ZNF7: variants seen among roughly 807,000 people sequenced by gnomAD.
ZNF7 encodes the protein zinc finger protein 7, also known as C2-H2 type zinc finger protein.
A neutral mutation model predicts 12.0 loss-of-function variants in ZNF7; 10 were observed. The ratio of observed to expected loss-of-function variants is 0.83; its 90% confidence interval spans 0.51 to 1.42. The LOEUF (loss-of-function observed/expected upper bound fraction) is 1.42. ZNF7 is among the 40% of genes most tolerant of loss of function. The pLI is 0.00. For synonymous variants in ZNF7, 334 were observed against 295.0 expected (o/e 1.13, Z -1.35); for missense variants, 854 against 837.2 (o/e 1.02, Z -0.25).
In ZNF7 at chr8:144,842,997, A is replaced by G. The variant is rs754477142; in HGVS notation, c.1890A>G (p.Ile630Met). ...TFVSRKKVNT[I>M]KKLHQCEDCE... ...TGAGCCGTAAAAAGGTTAATACTATAAAGAAACTGCATCAGTGTGAAGACT... is the reference window on the plus strand; with the variant it reads ...TGAGCCGTAAAAAGGTTAATACTATGAAGAAACTGCATCAGTGTGAAGACT... Residue 630 changes from isoleucine to methionine, a missense_variant, in exon 5 of 5, where the codon ATA becomes ATG. By Grantham distance (10) the Ile-to-Met change is conservative (BLOSUM62 1). Coordinates refer to ENST00000532777, the MANE Select transcript of ZNF7 (RefSeq NM_003416.4). 1.6e-5 allele frequency: 26 copies of G among 1,614,092 alleles called. No individual in the cohort carries two copies. Among genetic ancestry groups the G allele is most frequent in the Non-Finnish European group, 2.0e-5 (24 of 1,180,054 alleles).
downstream of ZNF7, among the ~76,000 whole-genome samples, chr8:144,844,359 C>G (rs984596412): frequency 2.6e-4 from 40 of 152,232 alleles, no homozygotes; most frequent in South Asian, 1.9e-3. Flanking sequence ...GCCTAGTTGC[C>G]CCACTTTTTT....
chr8:144,838,219 C>T (rs1046749715), intron 4 of ZNF7: 26 of 691,566 alleles, frequency 3.8e-5, no homozygotes, highest in Non-Finnish European at 5.3e-5. Context: ...GTTCATGTGG[C>T]CATCTCCTTA....
At chr8:144,845,450 G>C (rs79538429), downstream of ZNF7, among the ~76,000 whole-genome samples, 1 of 152,078 alleles carries the variant, frequency 6.6e-6, no homozygotes, top group African/African-American at 2.4e-5. Context: ...TGGGGTTCTT[G>C]GCACATGCAG....
At chr8:144,836,696 G>T in intron 3 of ZNF7, 1 of 152,550 alleles carries the variant, frequency 6.6e-6, no homozygotes. Flanking sequence ...CCTTCCAGTT[G>T]GGGGAACCCT....
At chr8:144,839,552 A>G (rs977020788) in intron 4 of ZNF7, among the ~76,000 whole-genome samples, 1 of 152,268 alleles carries the variant, frequency 6.6e-6, no homozygotes, top group African/African-American at 2.4e-5. Flanking sequence ...GTGGGTTTAT[A>G]TGTAGCAGGT....
downstream of ZNF7, chr8:144,846,535 T>G: frequency 4.8e-6 from 1 of 207,414 alleles, no homozygotes; most frequent in Non-Finnish European, 9.9e-6. Context: ...AATGACTTCA[T>G]GCCCTCCAGC....
chr8:144,836,385 C>T (rs1213184647), intron 3 of ZNF7: 1 of 152,242 alleles, frequency 6.6e-6, no homozygotes, highest in African/African-American at 2.4e-5. Context: ...CCTATAAATT[C>T]TGACTCATAA....
At chr8:144,829,688 C>T in intron 3 of ZNF7, 84 bp downstream of exon 3, 2 of 1,508,350 alleles carry the variant, frequency 1.3e-6, no homozygotes, top group Non-Finnish European at 1.8e-6. Flanking sequence ...CTGGGGTATG[C>T]AGGCCAAACG....
chr8:144,833,301 ATC>A (rs1182549974), intron 3 of ZNF7, among the ~76,000 whole-genome samples: 1 of 149,604 alleles, frequency 6.7e-6, no homozygotes, highest in African/African-American at 2.5e-5. Flanking sequence ...TCTTCCCTGA[ATC>A]TCTCTTGTGG....
At chr8:144,833,451 C>T (rs761996950) in intron 3 of ZNF7, among the ~76,000 whole-genome samples, 1 of 152,082 alleles carries the variant, frequency 6.6e-6, no homozygotes, top group African/African-American at 2.4e-5. Flanking sequence ...TCACTGCAAC[C>T]TCTGCCTCCC....
chr8:144,832,843 G>A (rs573142549), intron 3 of ZNF7, among the ~76,000 whole-genome samples: 1 of 152,166 alleles, frequency 6.6e-6, no homozygotes, highest in African/African-American at 2.4e-5. Context: ...TTGGGGTTAC[G>A]TAAAAATCCC....
downstream of ZNF7, among the ~76,000 whole-genome samples, chr8:144,844,261 A>G (rs1830352133): frequency 6.6e-6 from 1 of 152,162 alleles, no homozygotes; most frequent in African/African-American, 2.4e-5. Flanking sequence ...ACTCAAGCAA[A>G]TGCAAGTACC....
Position 144,841,916 on chromosome 8 carries a change from G to T in ZNF7, c.809G>T (p.Arg270Ile), listed in dbSNP as rs1829970699. The T allele has an allele frequency of 2.5e-6, 4 of 1,614,116 alleles. No individual in the cohort carries two copies. The highest frequency in any genetic ancestry group is 3.4e-6 in the Non-Finnish European group (4 of 1,180,026). Residue 270 changes from arginine to isoleucine, a missense_variant, in exon 5 of 5, where the codon AGA becomes ATA. Arg to Ile is a moderately conservative substitution (Grantham distance 97). Coordinates refer to ENST00000532777, the MANE Select transcript of ZNF7 (RefSeq NM_003416.4). The part of the protein sequence containing the change: ...RLCSQLNQHQ[R>I]IHTGEKPFKC... ...TGCTCGCAGCTTAATCAGCATCAGA[G>T]AATCCACACGGGAGAGAAACCCTTT...
intron 4 of ZNF7, chr8:144,841,036 T>C: frequency 3.6e-6 from 1 of 276,222 alleles, no homozygotes; most frequent in Non-Finnish European, 6.8e-6. Flanking sequence ...ACCCTTCTGG[T>C]CTTGCTTTGT....
rs377273478 is a variant in ZNF7 at position 144,835,992 on chromosome 8, G to A, written c.131-1399G>A. The A allele has an allele frequency of 2.0e-5, 3 of 152,286 alleles. No individual in the cohort carries two copies. The East Asian group carries it at 5.8e-4, about 29-fold the overall frequency. The allele number at this position is 152,286 out of a possible 1,614,324, so 9.4% of individuals were successfully genotyped here. On this transcript the variant is annotated intron_variant, in intron 3 of 4. Coordinates refer to ENST00000532777, the MANE Select transcript of ZNF7 (RefSeq NM_003416.4). The stretch of plus-strand genomic sequence containing the variant: ...CACGCCTGGCCATTCTCAACTTCTT[G>A]AACTTACTATTTACCTCATTTGTGT...
rs750634190 is a variant in ZNF7 at position 144,839,711 on chromosome 8, A to G, written c.248-1644A>G. Reference sequence around the variant, plus strand: ...ATAAAACATGCAGCAGCACAAAACCAGAATACATGAAGCAAGGCAGAAATG... The same window carrying G: ...ATAAAACATGCAGCAGCACAAAACCGGAATACATGAAGCAAGGCAGAAATG... On this transcript the variant is annotated intron_variant, in intron 4 of 4. Coordinates refer to ENST00000532777, the MANE Select transcript of ZNF7 (RefSeq NM_003416.4). 1.2e-3 allele frequency among the ~76,000 whole-genome samples: 177 copies of G among 152,254 alleles called. 3 individuals are homozygous for G. The highest frequency in any genetic ancestry group is 7.8e-4 in the Admixed American group (12 of 15,288).
intron 3 of ZNF7, 197 bp downstream of exon 3, chr8:144,829,801 G>A (rs1452664882): frequency 1.8e-6 from 1 of 563,238 alleles, no homozygotes; most frequent in East Asian, 3.2e-5. Flanking sequence ...CCAGGGAGTG[G>A]GTGGGATTCT....
rs1829914802 is a variant in ZNF7, at chr8:144,841,577, C to T, written c.470C>T (p.Thr157Ile). The change falls in exon 5 of 5, where the codon ACT becomes ATT. Residue 157 changes from threonine (T) to isoleucine (I), a missense_variant. Physicochemically the swap from Thr to Ile is moderately conservative, Grantham distance 89 (BLOSUM62 -1). Transcript: ENST00000532777. Reference protein sequence around the residue: ...TFQNNCLNEETVVPKTFTKDA... With the variant: ...TFQNNCLNEEIVVPKTFTKDA... ...CAAAATAACTGTTTGAATGAGGAGA[C>T]TGTGGTTCCCAAGACCTTCACCAAG... 6.2e-7 allele frequency: 1 copy of T among 1,614,170 alleles called. No individual in the cohort carries two copies. Among genetic ancestry groups the T allele is most frequent in the Non-Finnish European group, 8.5e-7 (1 of 1,180,040 alleles).
At position 144,837,490 on chromosome 8, in the gene ZNF7, C is replaced by A; in HGVS notation, c.230C>A (p.Pro77Gln). The A allele has an allele frequency of 6.2e-7, 1 of 1,609,858 alleles. No homozygotes were observed. Among genetic ancestry groups the A allele is most frequent in the Non-Finnish European group, 8.5e-7 (1 of 1,176,748 alleles). Residue 77 changes from proline (P) to glutamine (Q), a missense_variant, in exon 4 of 5, where the codon CCA (proline) becomes CAA (glutamine). Transcript: ENST00000532777. The stretch of plus-strand genomic sequence containing the variant: ...CAGGGAGCAGAGGGGACAGAGGCAC[C>A]AAGGACCTCCAAGACAGGTGAGGCT... ...DLQGAEGTEAPRTSKTDSTIR... is the reference protein window; with the variant it reads ...DLQGAEGTEAQRTSKTDSTIR...
Sources: gnomAD v4.1 joint callset for allele counts (sites outside exome capture counted in the v4.1 genomes callset) on GRCh38, gnomAD v4.1.1 for gene constraint, MANE v1.5 for transcripts, NCBI Gene and HGNC (gene_info 2026-07-23, HGNC 2026-07-21) for gene names.